DNAJC13: variants seen among roughly 807,000 people sequenced by gnomAD.
The protein encoded by DNAJC13 is dnaJ homolog subfamily C member 13.
Under a neutral mutation model 290.5 loss-of-function variants are expected in DNAJC13, and 75 were observed. The ratio of observed to expected loss-of-function variants is 0.26; its 90% confidence interval spans 0.21 to 0.31. DNAJC13 has a LOEUF of 0.31. Ranked by LOEUF, DNAJC13 falls within the 10% of genes least tolerant of loss-of-function variation. DNAJC13 has a pLI of 1.00. For synonymous variants in DNAJC13, 862 were observed against 892.0 expected (o/e 0.97, Z 0.60); for missense variants, 2,260 against 2,674.5 (o/e 0.85, Z 3.42).
At chr3:132,461,260 T>C in intron 15 of DNAJC13, 55 bp downstream of exon 15, 2 of 1,575,422 alleles carry the variant, frequency 1.3e-6, no homozygotes, top group South Asian at 1.1e-5. Flanking sequence ...GAACCGCTTT[T>C]AGGATCACTG....
chr3:132,487,861 C>A (rs1576494062), intron 29 of DNAJC13, among the ~76,000 whole-genome samples: 1 of 152,028 alleles, frequency 6.6e-6, no homozygotes, highest in Admixed American at 6.6e-5. Flanking sequence ...TTGCCTGTTA[C>A]CTGCACTTCT....
chr3:132,522,019 G>GT (rs1300643437), intron 48 of DNAJC13, among the ~76,000 whole-genome samples: 1 of 152,168 alleles, frequency 6.6e-6, no homozygotes, highest in African/African-American at 2.4e-5. Context: ...ATCTCTGGCA[G>GT]TTATGGAGGT....
At chr3:132,442,222 T>C (rs1405345347) in intron 2 of DNAJC13, among the ~76,000 whole-genome samples, 1 of 152,064 alleles carries the variant, frequency 6.6e-6, no homozygotes, top group African/African-American at 2.4e-5. Flanking sequence ...CAGGCTGGTC[T>C]TGGGGCTCAA....
chr3:132,520,660 G>A (rs914125645), intron 48 of DNAJC13, among the ~76,000 whole-genome samples: 1 of 152,186 alleles, frequency 6.6e-6, no homozygotes. Flanking sequence ...TCAGATGACA[G>A]TAGGTTAGAT....
intron 20 of DNAJC13, among the ~76,000 whole-genome samples, chr3:132,468,750 A>G (rs1480784918): frequency 6.6e-6 from 1 of 152,174 alleles, no homozygotes; most frequent in Non-Finnish European, 1.5e-5. Context: ...TAATACTGGT[A>G]TAGCATTTGA....
chr3:132,506,431 C>T (rs568878501), intron 42 of DNAJC13, among the ~76,000 whole-genome samples: 2 of 150,730 alleles, frequency 1.3e-5, no homozygotes, highest in South Asian at 2.1e-4. Flanking sequence ...TATACTTTTA[C>T]ATGTTATTTT....
chr3:132,512,864 C>T, intron 44 of DNAJC13, 144 bp from the exon 45 acceptor site: 1 of 666,366 alleles, frequency 1.5e-6, no homozygotes, highest in Non-Finnish European at 2.6e-6. Flanking sequence ...CTTAGAGGTC[C>T]TCCACTTACT....
At position 132,456,820 on chromosome 3, in the gene DNAJC13, C is replaced by A. The variant is rs1470329874; in HGVS notation, c.1337C>A (p.Thr446Asn). 1 of 1,612,062 alleles carries A rather than the reference C, an allele frequency of 6.2e-7. No homozygotes were observed. Among genetic ancestry groups the A allele is most frequent in the Non-Finnish European group, 8.5e-7 (1 of 1,179,296 alleles). The change falls in exon 12 of 56, where the codon ACT (threonine) becomes AAT (asparagine). Residue 446 changes from threonine to asparagine, a missense_variant. Transcript: ENST00000260818. Reference sequence around the variant, plus strand: ...TCCAAAGCTGGTTTCCTGGCTTTCACTCAGCTTCCAAAGTAAGTTGTCTTC... The same window carrying A: ...TCCAAAGCTGGTTTCCTGGCTTTCAATCAGCTTCCAAAGTAAGTTGTCTTC... ...VASKAGFLAF[T>N]QLPKFRERLG... is the part of the protein sequence containing the mutation.
In DNAJC13 at chr3:132,469,402, C is replaced by G. The variant is rs537404137; in HGVS notation, c.2208+2089C>G. On this transcript the variant is annotated intron_variant, in intron 20 of 55. Coordinates refer to ENST00000260818, the MANE Select transcript of DNAJC13 (RefSeq NM_015268.4). ...TGCTCTGTGCTGGATTAGTAGTAAC[C>G]TTTGGCTAATGTATAAGGTTGCTTT... 4.6e-5 allele frequency among the ~76,000 whole-genome samples: 7 copies of G among 152,300 alleles called. No homozygotes were observed. In the East Asian group the frequency reaches 1.3e-3, roughly 29 times the overall value.
At chr3:132,471,734 C>T (rs1310939625) in intron 20 of DNAJC13, among the ~76,000 whole-genome samples, 2 of 128,790 alleles carry the variant, frequency 1.6e-5, no homozygotes, top group African/African-American at 2.8e-5. Flanking sequence ...GGATGGCGGC[C>T]GGGCGGAGAC....
intron 1 of DNAJC13, among the ~76,000 whole-genome samples, chr3:132,421,178 A>AGT (rs1305130546): frequency 1.3e-5 from 2 of 152,222 alleles, no homozygotes; most frequent in Non-Finnish European, 1.5e-5. Flanking sequence ...GACCACCTGA[A>AGT]GTGTGTGTGT....
intron 21 of DNAJC13, among the ~76,000 whole-genome samples, chr3:132,473,863 A>G (rs1934371215): frequency 1.3e-5 from 2 of 152,210 alleles, no homozygotes; most frequent in African/African-American, 4.8e-5. Flanking sequence ...TACAGTATGT[A>G]CATAGTATAT....
At chr3:132,451,629 A>C (rs143886813) in intron 6 of DNAJC13, among the ~76,000 whole-genome samples, 73 of 152,250 alleles carry the variant, frequency 4.8e-4, no homozygotes, top group African/African-American at 1.6e-3. Context: ...TTTGAACTTA[A>C]TTGCAAAATT....
At position 132,528,309 on chromosome 3, in the gene DNAJC13, C is replaced by G. The variant is rs1261313381; in HGVS notation, c.6502C>G (p.Arg2168Gly). The change falls in exon 54 of 56, where the codon CGA (arginine) becomes GGA (glycine). Residue 2168 changes from arginine (R) to glycine (G), a missense_variant. Arg to Gly is a moderately radical substitution (Grantham distance 125). This residue lies in a region of DNAJC13 where 1,494 missense variants were observed against 1,693.7 expected (regional missense o/e 0.88). Coordinates refer to ENST00000260818, the MANE Select transcript of DNAJC13 (RefSeq NM_015268.4). The stretch of plus-strand genomic sequence containing the variant: ...TGTTAAAGCTCTCAAGGCAATGACT[C>G]GAAGTTTGCAGTATGGAGAACAGGT... ...QIVKALKAMTRSLQYGEQVNE... is the reference protein window; with the variant it reads ...QIVKALKAMTGSLQYGEQVNE... The G allele has an allele frequency of 5.0e-6, 8 of 1,614,144 alleles. No homozygotes were observed. Among genetic ancestry groups the G allele is most frequent in the Non-Finnish European group, 6.8e-6 (8 of 1,180,006 alleles).
rs774790274 is a variant in DNAJC13, at chr3:132,480,353, T to G, written c.2773-16T>G. On this transcript the variant is annotated splice_polypyrimidine_tract_variant and intron_variant, in intron 25 of 55. Transcript: ENST00000260818. ...AAAAATGTTTAGATTACGAAAAAAA[T>G]GTTTTCCTCTTCCAGAAAAATGTTA... The G allele has an allele frequency of 6.3e-7, 1 of 1,584,718 alleles. No individual in the cohort carries two copies. The highest frequency in any genetic ancestry group is 8.7e-7 in the Non-Finnish European group (1 of 1,154,628).
chr3:132,488,928 A>G, intron 30 of DNAJC13, 48 bp from the exon 31 acceptor site: 1 of 1,467,096 alleles, frequency 6.8e-7, no homozygotes, highest in South Asian at 1.2e-5. Flanking sequence ...AGGTTACAAA[A>G]ACTAAATCGG....
At chr3:132,529,785 T>C (rs1417635645) in intron 54 of DNAJC13, among the ~76,000 whole-genome samples, 1 of 91,788 alleles carries the variant, frequency 1.1e-5, no homozygotes, top group African/African-American at 4.6e-5. Context: ...AGACTCTGTC[T>C]CAAAAAAAAA....
intron 39 of DNAJC13, 127 bp from the exon 40 acceptor site, chr3:132,502,159 TAAG>T (rs1242489988): frequency 3.2e-5 from 23 of 708,252 alleles, no homozygotes; most frequent in Middle Eastern, 3.7e-4. Context: ...ATTGAAAATG[TAAG>T]AAGAGGTAAA....
At chr3:132,501,094 G>A (rs1935392509) in intron 39 of DNAJC13, among the ~76,000 whole-genome samples, 181 bp downstream of exon 39, 1 of 152,130 alleles carries the variant, frequency 6.6e-6, no homozygotes, top group African/African-American at 2.4e-5. Context: ...CTTCTAGGCT[G>A]GCCTACAAAG....
Sources: allele counts gnomAD v4.1 joint callset (sites outside exome capture counted in the v4.1 genomes callset), GRCh38; gene constraint gnomAD v4.1.1; regional missense constraint gnomAD v4.1.1; transcripts MANE v1.5; gene names NCBI Gene and HGNC (gene_info 2026-07-23, HGNC 2026-07-21).